IMMP2L: variants seen among roughly 807,000 people sequenced by gnomAD.
IMMP2L encodes mitochondrial inner membrane protease subunit 2.
In IMMP2L, 18 loss-of-function variants were observed where a neutral mutation model predicts 19.3. That is an observed-to-expected ratio of 0.93 (90% CI 0.64 to 1.38). IMMP2L has a LOEUF of 1.38. Ranked by LOEUF, IMMP2L falls within the 40% of genes most tolerant of loss-of-function variation. The pLI, the probability that IMMP2L is intolerant of heterozygous loss-of-function variation, is 0.00. For synonymous variants in IMMP2L, 76 were observed against 73.0 expected, an observed-to-expected ratio of 1.04 and a Z score of -0.21; for missense variants, 233 against 218.2, an observed-to-expected ratio of 1.07 and a Z score of -0.43.
At chr7:111,505,722 A>G (rs941931468) in intron 2 of IMMP2L, among the ~76,000 whole-genome samples, 7 of 152,066 alleles carry the variant, frequency 4.6e-5, no homozygotes, top group Non-Finnish European at 7.4e-5. Flanking sequence ...TTGCAAGAAC[A>G]AAAAACCAAA....
chr7:111,157,414 G>A (rs1298396426), intron 3 of IMMP2L, among the ~76,000 whole-genome samples: 3 of 152,066 alleles, frequency 2.0e-5, no homozygotes, highest in Non-Finnish European at 4.4e-5. Flanking sequence ...ATAAGATCTT[G>A]TCATTTGCAA....
At chr7:110,680,938 GGGGTGT>G (rs1792676763) in intron 5 of IMMP2L, among the ~76,000 whole-genome samples, 1 of 152,100 alleles carries the variant, frequency 6.6e-6, no homozygotes, top group African/African-American at 2.4e-5. Flanking sequence ...GAGTGGCATA[GGGGTGT>G]GCTGTGTTCC....
At chr7:111,414,830 A>C (rs1415692658) in intron 3 of IMMP2L, among the ~76,000 whole-genome samples, 2 of 151,848 alleles carry the variant, frequency 1.3e-5, no homozygotes, top group Non-Finnish European at 2.9e-5. Context: ...TAATTTTTAA[A>C]AAAACACATT....
At chr7:111,322,138 G>A (rs1021097651) in intron 3 of IMMP2L, among the ~76,000 whole-genome samples, 2 of 151,840 alleles carry the variant, frequency 1.3e-5, no homozygotes, top group African/African-American at 2.4e-5. Context: ...TAAGATAACA[G>A]CTTTGAATTT....
At chr7:111,016,631 ATGCATATATATTATG>A (rs989034260) in intron 3 of IMMP2L, among the ~76,000 whole-genome samples, 141 of 109,690 alleles carry the variant, frequency 1.3e-3, no homozygotes, top group African/African-American at 5.1e-3. Context: ...CATATATATA[ATGCATATATATTATG>A]TGCATATATA....
At chr7:111,451,909 A>G (rs1164284083) in intron 3 of IMMP2L, among the ~76,000 whole-genome samples, 1 of 152,112 alleles carries the variant, frequency 6.6e-6, no homozygotes, top group African/African-American at 2.4e-5. Flanking sequence ...TAAGTAGAAG[A>G]TAAGAGAAGA....
intron 5 of IMMP2L, among the ~76,000 whole-genome samples, chr7:110,799,154 G>T (rs1801072724): frequency 6.6e-6 from 1 of 151,952 alleles, no homozygotes; most frequent in Non-Finnish European, 1.5e-5. Context: ...GCCCGAGCTG[G>T]GTAGTAGTCA....
At position 110,741,462 on chromosome 7, in the gene IMMP2L, A is replaced by G. The variant is rs377243568; in HGVS notation, c.409-77741T>C. ...TCATTAATATGATTAGTGCCCTTAT[A>G]GAAGATCCAAGGGAATTTATTTGTC... is the stretch of plus-strand genomic sequence containing the variant. On this transcript the variant is annotated intron_variant, in intron 5 of 5. Coordinates refer to ENST00000405709, the MANE Select transcript of IMMP2L (RefSeq NM_032549.4). 3.3e-5 allele frequency among the ~76,000 whole-genome samples: 5 copies of G among 152,232 alleles called. No individual in the cohort carries two copies. The East Asian group carries it at 5.8e-4, about 18-fold the overall frequency.
chr7:110,878,928 T>C (rs914998745), intron 5 of IMMP2L, among the ~76,000 whole-genome samples: 1 of 152,202 alleles, frequency 6.6e-6, no homozygotes, highest in Non-Finnish European at 1.5e-5. Context: ...ACATATTTCA[T>C]TTAACAGTTT....
Position 110,972,147 on chromosome 7 carries a change from G to A in IMMP2L, c.240-8582C>T, listed in dbSNP as rs545053437. ...ATGCCCCCAATTGTAGACTGGAATA[G>A]TATTAGCAAATTGTTTCCAGAAAAA... is the stretch of plus-strand genomic sequence containing the variant. On this transcript the variant is annotated intron_variant, in intron 3 of 5. Coordinates refer to ENST00000405709, the MANE Select transcript of IMMP2L (RefSeq NM_032549.4). Among the ~76,000 whole-genome samples, 8 of 151,016 alleles carry A rather than the reference G, an allele frequency of 5.3e-5. No homozygotes were observed. In the South Asian group the frequency reaches 1.5e-3, roughly 28 times the overall value.
chr7:111,461,037 A>G (rs1177925192), intron 3 of IMMP2L, among the ~76,000 whole-genome samples: 1 of 152,066 alleles, frequency 6.6e-6, no homozygotes, highest in Non-Finnish European at 1.5e-5. Context: ...AACTCTTCAC[A>G]GGCTTCACTT....
chr7:111,061,752 C>G (rs73201061), intron 3 of IMMP2L, among the ~76,000 whole-genome samples: 1,630 of 151,848 alleles, frequency 0.011, 16 homozygotes, highest in Non-Finnish European at 0.019. Flanking sequence ...ACAGTTCAGC[C>G]AAAGTAATAT....
At chr7:111,548,546 T>A (rs947654320) in intron 1 of IMMP2L, among the ~76,000 whole-genome samples, 1 of 152,162 alleles carries the variant, frequency 6.6e-6, no homozygotes, top group African/African-American at 2.4e-5. Flanking sequence ...GATATTACAA[T>A]ATAATAAGCA....
chr7:111,145,053 A>C (rs1803322127), intron 3 of IMMP2L, among the ~76,000 whole-genome samples: 2 of 152,098 alleles, frequency 1.3e-5, no homozygotes, highest in African/African-American at 4.8e-5. Flanking sequence ...AGAAATGTGC[A>C]TATGTTGTGT....
chr7:111,448,064 G>A (rs1257812016), intron 3 of IMMP2L, among the ~76,000 whole-genome samples: 2 of 142,650 alleles, frequency 1.4e-5, no homozygotes, highest in African/African-American at 5.8e-5. Context: ...AAAGCAAGTC[G>A]TGAGTGACCT....
chr7:110,882,295 T>G (rs7801502), intron 5 of IMMP2L, among the ~76,000 whole-genome samples: 934 of 84,882 alleles, frequency 0.011, 7 homozygotes, highest in African/African-American at 0.04. Flanking sequence ...GTGCCTTCCT[T>G]CCTTCCTTCC....
chr7:111,315,731 T>TAAAAA (rs777273496), intron 3 of IMMP2L, among the ~76,000 whole-genome samples: 1 of 136,368 alleles, frequency 7.3e-6, no homozygotes, highest in African/African-American at 2.7e-5. Context: ...AGTGGCTTCT[T>TAAAAA]AAAAAAAAAA....
intron 3 of IMMP2L, among the ~76,000 whole-genome samples, chr7:111,011,324 A>G (rs1824930345): frequency 6.6e-6 from 1 of 152,174 alleles, no homozygotes; most frequent in African/African-American, 2.4e-5. Context: ...GTCAGACTAT[A>G]TACCTAGAGA....
At chr7:111,130,994 A>G (rs1055212317) in intron 3 of IMMP2L, among the ~76,000 whole-genome samples, 1 of 152,048 alleles carries the variant, frequency 6.6e-6, no homozygotes, top group African/African-American at 2.4e-5. Flanking sequence ...TTCATATTAA[A>G]TCACTTATTT....
Sources: gnomAD v4.1 joint callset for allele counts (sites outside exome capture counted in the v4.1 genomes callset) on GRCh38, gnomAD v4.1.1 for gene constraint, MANE v1.5 for transcripts, NCBI Gene and HGNC (gene_info 2026-07-23, HGNC 2026-07-21) for gene names.